Variants in NOL4L observed in about 807,000 individuals in gnomAD.
The protein encoded by NOL4L is nucleolar protein 4 like.
Under a neutral mutation model 64.5 loss-of-function variants are expected in NOL4L, and 7 were observed. The observed-to-expected ratio is 0.11, with a 90% CI of 0.06 to 0.20. The LOEUF is 0.20. Among genes scored for constraint, NOL4L ranks in the 10% least tolerant of loss-of-function variants. The pLI is 1.00. For missense variants in NOL4L, 680 were observed against 967.1 expected (o/e 0.70, Z 3.94); for synonymous variants, 413 against 401.0 (o/e 1.03, Z -0.36).
intron 3 of NOL4L, among the ~76,000 whole-genome samples, chr20:32,513,002 T>C (rs1487638233): frequency 2.0e-5 from 3 of 152,240 alleles, no homozygotes; most frequent in Non-Finnish European, 2.9e-5. Flanking sequence ...CAAGCTGCTG[T>C]AGGAATTGTT....
rs572464524 is a variant in NOL4L at position 32,469,007 on chromosome 20, G to A, written c.841+5594C>T. Reference sequence around the variant, plus strand: ...CTGGCTCTGGAGAGACCCAGTCCCTGTGGTCTGGGCAAGTTACTTCCCCTC... The same window carrying A: ...CTGGCTCTGGAGAGACCCAGTCCCTATGGTCTGGGCAAGTTACTTCCCCTC... On this transcript the variant is annotated intron_variant, in intron 5 of 10. Coordinates refer to ENST00000621426, the MANE Select transcript of NOL4L (RefSeq NM_001256798.2). Among the ~76,000 whole-genome samples, 3 of 152,122 alleles carry A rather than the reference G, an allele frequency of 2.0e-5. No individual in the cohort carries two copies. The South Asian group carries it at 6.2e-4, about 32-fold the overall frequency.
At chr20:32,509,509 C>T (rs1393499628) in intron 4 of NOL4L, among the ~76,000 whole-genome samples, 1 of 110,320 alleles carries the variant, frequency 9.1e-6, no homozygotes, top group East Asian at 3.2e-4. Flanking sequence ...CAGAGTGAGA[C>T]TCTGCCTCAA....
chr20:32,460,460 G>A lies in NOL4L; in HGVS notation c.842-4065C>T, dbSNP rs1330627251. ...CTCTGGGGGCTGCCTGCAACCTGAG[G>A]CCCATGTTTTGCCGACTGGGGAGGC... On this transcript the variant is annotated intron_variant, in intron 5 of 10. Coordinates refer to ENST00000621426, the MANE Select transcript of NOL4L (RefSeq NM_001256798.2). The surrounding 1 kb of genome is among the most constrained non-coding windows in gnomAD (Gnocchi z 5.7). Among the ~76,000 whole-genome samples the A allele has an allele frequency of 6.6e-6, 1 of 152,180 alleles. No homozygotes were observed. Among genetic ancestry groups the A allele is most frequent in the Non-Finnish European group, 1.5e-5 (1 of 68,038 alleles).
At chr20:32,488,623 A>G (rs561030681) in intron 4 of NOL4L, among the ~76,000 whole-genome samples, 1 of 152,332 alleles carries the variant, frequency 6.6e-6, no homozygotes, top group African/African-American at 2.4e-5. Flanking sequence ...AATCTGAGGG[A>G]GGAAGAACAG....
chr20:32,471,363 CGGGG>C, intron 5 of NOL4L, among the ~76,000 whole-genome samples: 1 of 135,530 alleles, frequency 7.4e-6, no homozygotes, highest in African/African-American at 3.0e-5. Context: ...GGCAAGCTCC[CGGGG>C]AGTGAGAGCA....
chr20:32,474,503 C>G, intron 5 of NOL4L, 98 bp downstream of exon 5: 5 of 1,417,346 alleles, frequency 3.5e-6, no homozygotes, highest in Non-Finnish European at 4.6e-6. Context: ...GGCCCAGATT[C>G]CGCCACCCTG....
chr20:32,563,337 C>T (rs1203877852), intron 1 of NOL4L, among the ~76,000 whole-genome samples: 1 of 148,758 alleles, frequency 6.7e-6, no homozygotes, highest in Non-Finnish European at 1.5e-5. Flanking sequence ...AGGGAGGGAG[C>T]GAGCCTCACC....
chr20:32,487,937 T>TTTTA (rs1555796301), intron 4 of NOL4L, among the ~76,000 whole-genome samples: 8 of 129,772 alleles, frequency 6.2e-5, no homozygotes, highest in African/African-American at 3.0e-4. Flanking sequence ...TGGTTTTATT[T>TTTTA]TTTTTTTTTT....
chr20:32,474,484 A>T, intron 5 of NOL4L, 117 bp downstream of exon 5: 1 of 1,295,338 alleles, frequency 7.7e-7, no homozygotes, highest in Non-Finnish European at 1.0e-6. Context: ...TGAGCCACCC[A>T]AAGGCCTTGG....
At chr20:32,528,927 C>T (rs1270316637) in intron 1 of NOL4L, among the ~76,000 whole-genome samples, 3 of 152,178 alleles carry the variant, frequency 2.0e-5, no homozygotes, top group Non-Finnish European at 4.4e-5. Flanking sequence ...TCTAAAAGTG[C>T]CCAAAAGACA....
At chr20:32,465,003 C>G in intron 5 of NOL4L, 1 of 617,156 alleles carries the variant, frequency 1.6e-6, no homozygotes. Flanking sequence ...AGATCTTCCC[C>G]TAAAACTGAA....
At chr20:32,572,629 T>G (rs1000770637) in intron 1 of NOL4L, 1 of 152,036 alleles carries the variant, frequency 6.6e-6, no homozygotes, top group African/African-American at 2.4e-5. Flanking sequence ...CAGCCTCTGA[T>G]TGGAGCAGCA....
At chr20:32,535,292 C>A (rs1192257378) in intron 1 of NOL4L, 1 of 150,304 alleles carries the variant, frequency 6.7e-6, no homozygotes, top group African/African-American at 2.4e-5. Flanking sequence ...AAAAAAAACC[C>A]TCCAAAATAG....
Position 32,483,526 on chromosome 20 carries a change from G to A in NOL4L, c.700-8784C>T, listed in dbSNP as rs1261981755. 1.9e-5 allele frequency: 19 copies of A among 982,730 alleles called. No homozygotes were observed. The Admixed American group carries it at 6.9e-4, about 36-fold the overall frequency. 60.9% of individuals were successfully genotyped at this position (982,730 alleles called of 1,614,324 possible). A position where few individuals can be genotyped will look rare whatever the true frequency, so the allele number is the denominator to read the frequency against. On this transcript the variant is annotated intron_variant, in intron 4 of 10. Transcript: ENST00000621426. ...CGGCGCGTCACTGCCCGGCCCGGGG[G>A]CGGGGGTGGCCAGGAGGAGGGCCCA...
intron 1 of NOL4L, 38 bp downstream of exon 1, chr20:32,584,532 C>T: frequency 7.6e-7 from 1 of 1,307,738 alleles, no homozygotes; most frequent in Non-Finnish European, 9.8e-7. Context: ...CCAAGCCCCG[C>T]GGCGGGACCC....
At chr20:32,561,854 C>T (rs759571418) in intron 1 of NOL4L, among the ~76,000 whole-genome samples, 19 of 152,084 alleles carry the variant, frequency 1.2e-4, no homozygotes, top group Non-Finnish European at 1.9e-4. Context: ...CTGGGCATGG[C>T]GGCACGTGCC....
intron 1 of NOL4L, among the ~76,000 whole-genome samples, chr20:32,561,426 T>C (rs1979010399): frequency 2.0e-5 from 3 of 152,234 alleles, no homozygotes; most frequent in Admixed American, 6.5e-5. Flanking sequence ...GTCCTTTTTC[T>C]TAATGGCGCA....
Position 32,453,552 on chromosome 20 carries a change from CACCT to C in NOL4L, c.1305+20_1305+23del. ...CCCTGGCCTTGCCCCCATCCCACCCCACCTGTTTCCGGCCGGTGCTCACGTTGAA... is the reference window on the plus strand; with the variant it reads ...CCCTGGCCTTGCCCCCATCCCACCCCGTTTCCGGCCGGTGCTCACGTTGAA... On this transcript the variant is annotated intron_variant, in intron 7 of 10. Transcript: ENST00000621426. The surrounding 1 kb of genome is among the most constrained non-coding windows in gnomAD (Gnocchi z 5.6). The C allele has an allele frequency of 6.2e-7, 1 of 1,613,732 alleles. No homozygotes were observed. Among genetic ancestry groups the C allele is most frequent in the Non-Finnish European group, 8.5e-7 (1 of 1,179,610 alleles).
chr20:32,454,789 G>A (rs1180417381), intron 6 of NOL4L, among the ~76,000 whole-genome samples: 3 of 152,238 alleles, frequency 2.0e-5, no homozygotes, highest in Non-Finnish European at 4.4e-5. Flanking sequence ...GGGAACAGGT[G>A]GCGGTATGGT....
Sources: gnomAD v4.1 joint callset for allele counts (sites outside exome capture counted in the v4.1 genomes callset) on GRCh38, gnomAD v4.1.1 for gene constraint, Gnocchi (gnomAD v3.1) non-coding constraint, MANE v1.5 for transcripts, NCBI Gene and HGNC (gene_info 2026-07-23, HGNC 2026-07-21) for gene names.